The following SLC5A10 variants were observed in gnomAD, a reference collection of about 807,000 sequenced individuals.
The protein encoded by SLC5A10 is sodium/mannose cotransporter SLC5A10.
SLC5A10 carries 55 observed loss-of-function variants against 68.9 expected under a neutral mutation model. The ratio of observed to expected loss-of-function variants is 0.80; its 90% CI spans 0.64 to 1.00. The LOEUF is 1.00. Among genes scored for constraint, SLC5A10 ranks in the 50% least tolerant of loss-of-function variants. The probability of loss-of-function intolerance (pLI) is 0.00; values close to 1 mark genes in which losing one functional copy is unlikely to be tolerated. For missense variants in SLC5A10, 732 were observed against 819.3 expected (o/e 0.89, Z 1.30); for synonymous variants, 344 against 344.8 (o/e 1.00, Z 0.02).
Position 18,976,990 on chromosome 17 carries a change from G to A in SLC5A10, c.982+1G>A, listed in dbSNP as rs772632240. The A allele has an allele frequency of 4.3e-6, 7 of 1,611,822 alleles. No individual in the cohort carries two copies. Among genetic ancestry groups the A allele is most frequent in the Non-Finnish European group, 3.4e-6 (4 of 1,179,782 alleles). On this transcript the variant is annotated splice_donor_variant, in intron 9 of 14. Transcript: ENST00000395645. LOFTEE classifies it high-confidence loss of function. ...ATGATCAGCCGCGCATTGTTCCCAG[G>A]TAGGACGGGCTCCGGGCACTGAACC...
At chr17:18,998,280 G>A (rs903365071) in intron 9 of SLC5A10, among the ~76,000 whole-genome samples, 6 of 152,242 alleles carry the variant, frequency 3.9e-5, no homozygotes, top group East Asian at 1.9e-4. Context: ...CTATCACTGC[G>A]TCAAGACAAG....
chr17:19,012,923 C>T (rs2044046358), intron 9 of SLC5A10, among the ~76,000 whole-genome samples: 1 of 152,188 alleles, frequency 6.6e-6, no homozygotes, highest in South Asian at 2.1e-4. Context: ...AGCTGTGTGA[C>T]AGCACACTCA....
At chr17:18,992,276 G>T (rs751721108) in intron 9 of SLC5A10, among the ~76,000 whole-genome samples, 1 of 152,186 alleles carries the variant, frequency 6.6e-6, no homozygotes, top group African/African-American at 2.4e-5. Flanking sequence ...GGGACAGGGG[G>T]ACATCCGCCT....
chr17:18,978,869 G>A (rs752458526), intron 9 of SLC5A10: 1 of 1,609,260 alleles, frequency 6.2e-7, no homozygotes, highest in South Asian at 1.1e-5. Flanking sequence ...GAGGGAGGGG[G>A]CGCTGGTCAG....
chr17:18,994,724 A>G (rs1380329226), intron 9 of SLC5A10, among the ~76,000 whole-genome samples: 1 of 152,212 alleles, frequency 6.6e-6, no homozygotes, highest in East Asian at 1.9e-4. Flanking sequence ...GTTGACAAAT[A>G]AGTCCTAGAC....
In SLC5A10 at chr17:19,015,082, C is replaced by T. The variant is rs764409683; in HGVS notation, c.1124C>T (p.Ala375Val). The change falls in exon 11 of 15, where the codon GCG (alanine) becomes GTG (valine). Residue 375 changes from alanine to valine, a missense_variant. Coordinates refer to ENST00000395645, the MANE Select transcript of SLC5A10 (RefSeq NM_001042450.4). ...GGGCTGATGATCGCAGTGATGCTGG[C>T]GGCGCTCATGTCGTCGCTGACCTCC... Reference protein sequence around the residue: ...LRGLMIAVMLAALMSSLTSIF... With the variant: ...LRGLMIAVMLVALMSSLTSIF... 3.8e-5 allele frequency: 62 copies of T among 1,613,638 alleles called. No individual in the cohort carries two copies. Among genetic ancestry groups the T allele is most frequent in the Middle Eastern group, 1.6e-4 (1 of 6,080 alleles).
At chr17:18,977,722 C>T (rs201172910) in intron 9 of SLC5A10, 29 of 1,608,482 alleles carry the variant, frequency 1.8e-5, no homozygotes, top group Non-Finnish European at 2.5e-5. Context: ...GGGCACTCAG[C>T]TGCCGGCGCG....
intron 10 of SLC5A10, 118 bp from the exon 11 acceptor site, chr17:19,014,931 C>T: frequency 1.6e-6 from 2 of 1,269,488 alleles, no homozygotes; most frequent in Non-Finnish European, 2.2e-6. Flanking sequence ...TCCCCGCCCT[C>T]TGCCTTGGAG....
At chr17:18,999,635 T>C (rs757561537) in intron 9 of SLC5A10, among the ~76,000 whole-genome samples, 4 of 152,340 alleles carry the variant, frequency 2.6e-5, no homozygotes, top group Non-Finnish European at 5.9e-5. Context: ...AAGCACCTCA[T>C]TAAGCTGCTT....
In SLC5A10 at chr17:19,004,869, T is replaced by G. The variant is rs1049939199; in HGVS notation, c.983-8541T>G. The G allele has an allele frequency of 6.6e-6, 1 of 151,534 alleles. No homozygotes were observed. Among genetic ancestry groups the G allele is most frequent in the African/African-American group, 2.4e-5 (1 of 41,376 alleles). The allele number at this position is 151,534 out of a possible 1,614,324, so 9.4% of individuals were successfully genotyped here. On this transcript the variant is annotated intron_variant, in intron 9 of 14. Coordinates refer to ENST00000395645, the MANE Select transcript of SLC5A10 (RefSeq NM_001042450.4). This position sits in a 1 kb window ranked among gnomAD's most constrained non-coding sequence, Gnocchi z 5.4. ...GCGGGGCCGGAAGCTGATTCACCCCTCGACAGACAGACAGACCTGGGGCGG... is the reference window on the plus strand; with the variant it reads ...GCGGGGCCGGAAGCTGATTCACCCCGCGACAGACAGACAGACCTGGGGCGG...
In SLC5A10 at chr17:19,003,927, C is replaced by G. The variant is rs979083799; in HGVS notation, c.983-9483C>G. 4.3e-6 allele frequency: 7 copies of G among 1,612,818 alleles called. No individual in the cohort carries two copies. Among genetic ancestry groups the G allele is most frequent in the African/African-American group, 1.3e-5 (1 of 74,930 alleles). On this transcript the variant is annotated intron_variant, in intron 9 of 14. Coordinates refer to ENST00000395645, the MANE Select transcript of SLC5A10 (RefSeq NM_001042450.4). This position sits in a 1 kb window ranked among gnomAD's most constrained non-coding sequence, Gnocchi z 4.5. ...TAGAAGGCGTCCCGGCCGCGGGCCA[C>G]CAGGGCCTCCAGCGCCAGCCGCTGC...
intron 1 of SLC5A10, among the ~76,000 whole-genome samples, chr17:18,957,514 GC>G: frequency 6.6e-6 from 1 of 151,996 alleles, no homozygotes; most frequent in South Asian, 2.1e-4. Flanking sequence ...CTGTCACCAG[GC>G]TGGAGTGCAG....
rs2043699312 is a variant in SLC5A10, at chr17:19,000,371, A to G, written c.983-13039A>G. ...TTCAATACCTGTTCCCATTTTACAG[A>G]TGGGATGACCGGGGCTTGGAGAGGA... On this transcript the variant is annotated intron_variant, in intron 9 of 14. Transcript: ENST00000395645. The surrounding 1 kb of genome is among the most constrained non-coding windows in gnomAD (Gnocchi z 5.2). Among the ~76,000 whole-genome samples the G allele has an allele frequency of 6.6e-6, 1 of 152,120 alleles. No individual in the cohort carries two copies.
At chr17:19,008,714 T>C (rs2152147729) in intron 9 of SLC5A10, among the ~76,000 whole-genome samples, 1 of 152,170 alleles carries the variant, frequency 6.6e-6, no homozygotes, top group East Asian at 1.9e-4. Flanking sequence ...TTAGCCAGGA[T>C]GGTATCGATC....
At chr17:19,001,018 G>A (rs2043716481) in intron 9 of SLC5A10, among the ~76,000 whole-genome samples, 1 of 152,198 alleles carries the variant, frequency 6.6e-6, no homozygotes, top group African/African-American at 2.4e-5. Flanking sequence ...CCTAGAGTTT[G>A]AGGGAAACAC....
chr17:19,008,639 A>C (rs1033993517), intron 9 of SLC5A10, among the ~76,000 whole-genome samples: 1 of 151,430 alleles, frequency 6.6e-6, no homozygotes, highest in Non-Finnish European at 1.5e-5. Flanking sequence ...AGCTGGGACT[A>C]CAGGCGCCTG....
At chr17:18,969,587 G>C in intron 7 of SLC5A10, 165 bp downstream of exon 7, 1 of 614,428 alleles carries the variant, frequency 1.6e-6, no homozygotes, top group South Asian at 2.3e-5. Flanking sequence ...CAGCCCCCCT[G>C]CTGGCCCCTC....
rs2042748342 is a variant in SLC5A10, at chr17:18,968,088, T to G, written c.454-964T>G. Reference sequence around the variant, plus strand: ...CAGATCCCATCCTGCCTGGGCCCTGTGTCAGACCCCAGGAGGCAGGGATCC... The same window carrying G: ...CAGATCCCATCCTGCCTGGGCCCTGGGTCAGACCCCAGGAGGCAGGGATCC... On this transcript the variant is annotated intron_variant, in intron 5 of 14. Coordinates refer to ENST00000395645, the MANE Select transcript of SLC5A10 (RefSeq NM_001042450.4). The surrounding 1 kb of genome is among the most constrained non-coding windows in gnomAD (Gnocchi z 4.1). 1.3e-5 allele frequency among the ~76,000 whole-genome samples: 2 copies of G among 152,046 alleles called. No homozygotes were observed. Among genetic ancestry groups the G allele is most frequent in the African/African-American group, 4.8e-5 (2 of 41,388 alleles).
At chr17:18,992,821 G>A (rs2043462413) in intron 9 of SLC5A10, among the ~76,000 whole-genome samples, 1 of 152,184 alleles carries the variant, frequency 6.6e-6, no homozygotes. Flanking sequence ...GCCTGTCTGG[G>A]CGGCTAACAC....
Sources: allele counts gnomAD v4.1 joint callset (sites outside exome capture counted in the v4.1 genomes callset), GRCh38; gene constraint gnomAD v4.1.1; non-coding constraint Gnocchi (gnomAD v3.1); transcripts MANE v1.5; gene names NCBI Gene and HGNC (gene_info 2026-07-23, HGNC 2026-07-21).